Variants in WDR43 observed in about 807,000 individuals in gnomAD.
WDR43 encodes the protein WD repeat domain 43.
In WDR43, 13 loss-of-function variants were observed where a neutral mutation model predicts 91.4. The ratio of observed to expected loss-of-function variants is 0.14; its 90% CI spans 0.09 to 0.23. The LOEUF (loss-of-function observed/expected upper bound fraction) is 0.23. Among genes scored for constraint, WDR43 ranks in the 10% least tolerant of loss-of-function variants. The pLI is 1.00. For missense variants in WDR43, 780 were observed against 809.4 expected, an observed-to-expected ratio of 0.96 and a Z score of 0.44; for synonymous variants, 331 against 287.9, an observed-to-expected ratio of 1.15 and a Z score of -1.51.
intron 1 of WDR43, 56 bp downstream of exon 1, chr2:28,894,979 T>C (rs1414918561): frequency 7.0e-7 from 1 of 1,433,668 alleles, no homozygotes; most frequent in Non-Finnish European, 9.2e-7. Flanking sequence ...GCTTCGGGCC[T>C]CCGGGCCGGG....
In WDR43 at chr2:28,942,195, TATG is replaced by T. The variant is rs368694777; in HGVS notation, c.1735-116_1735-114del. The T allele has an allele frequency of 8.3e-5, 74 of 896,540 alleles. No individual in the cohort carries two copies. The African/African-American group carries it at 1.1e-3, about 13-fold the overall frequency. The allele number at this position is 896,540 out of a possible 1,614,324, so 55.5% of individuals were successfully genotyped here. On this transcript the variant is annotated intron_variant, in intron 15 of 17. Coordinates refer to ENST00000407426, the MANE Select transcript of WDR43 (RefSeq NM_015131.3). ...TCTGTATTGTATGAAGGTCCTCCAT[TATG>T]GTGGTGGAGGGTGAGTTAGCAGCAA...
chr2:28,937,422 A>T (rs10199251), intron 13 of WDR43, among the ~76,000 whole-genome samples: 4 of 151,684 alleles, frequency 2.6e-5, no homozygotes, highest in Admixed American at 6.6e-5. Flanking sequence ...TTCTTTAAAA[A>T]TTTTTTTTCT....
intron 1 of WDR43, among the ~76,000 whole-genome samples, chr2:28,899,276 T>C (rs1055268205): frequency 6.6e-6 from 1 of 152,218 alleles, no homozygotes; most frequent in Admixed American, 6.5e-5. Context: ...GACTAAAGTG[T>C]AAAAGAAGAA....
intron 4 of WDR43, 136 bp from the exon 5 acceptor site, chr2:28,913,933 T>G (rs1162061521): frequency 1.0e-6 from 1 of 1,004,994 alleles, no homozygotes; most frequent in Non-Finnish European, 1.5e-6. Flanking sequence ...TGCTTAGAAT[T>G]GAATTGAACA....
intron 14 of WDR43, among the ~76,000 whole-genome samples, chr2:28,940,111 C>CAAAAAA (rs369746530): frequency 9.7e-6 from 1 of 103,324 alleles, no homozygotes; most frequent in African/African-American, 3.9e-5. Flanking sequence ...GACTCCGTCT[C>CAAAAAA]AAAAAAAAAA....
rs1316411169 is a variant in WDR43 at position 28,948,186 on chromosome 2, C to T, written c.*1407C>T. 2.0e-5 allele frequency: 3 copies of T among 152,246 alleles called. No homozygotes were observed. Among genetic ancestry groups the T allele is most frequent in the South Asian group, 2.1e-4 (1 of 4,826 alleles). 9.4% of individuals were successfully genotyped at this position (152,246 alleles called of 1,614,324 possible). A position where few individuals can be genotyped will look rare whatever the true frequency, so the allele number is the denominator to read the frequency against. On this transcript the variant is annotated 3_prime_UTR_variant, in exon 18 of 18. Coordinates refer to ENST00000407426, the MANE Select transcript of WDR43 (RefSeq NM_015131.3). Reference sequence around the variant, plus strand: ...GTTTATGGCAATTTAATACCATTCTCTTTGTAAAGTGAATAAATATTCATC... The same window carrying T: ...GTTTATGGCAATTTAATACCATTCTTTTTGTAAAGTGAATAAATATTCATC...
chr2:28,905,308 C>A (rs748566012), intron 2 of WDR43, among the ~76,000 whole-genome samples: 1 of 152,170 alleles, frequency 6.6e-6, no homozygotes, highest in Non-Finnish European at 1.5e-5. Context: ...GTGAGTTAGT[C>A]CTGGAATGTT....
chr2:28,918,180 GA>G lies in WDR43; in HGVS notation c.849+189del, dbSNP rs1452210630. 4.6e-5 allele frequency among the ~76,000 whole-genome samples: 7 copies of G among 152,114 alleles called. No homozygotes were observed. In the East Asian group the frequency reaches 1.2e-3, roughly 25 times the overall value. On this transcript the variant is annotated intron_variant, in intron 6 of 17. Transcript: ENST00000407426. ...TGTAATAATCTCTTATGGGGGAAGG[GA>G]AAAGTTTGTACAGGACGGTAGTAAA...
chr2:28,900,857 T>C (rs955439046), intron 1 of WDR43, among the ~76,000 whole-genome samples: 4 of 152,230 alleles, frequency 2.6e-5, no homozygotes, highest in African/African-American at 9.6e-5. Context: ...CTTTTTTTGT[T>C]AGACTGCATT....
chr2:28,929,594 C>T lies in WDR43; in HGVS notation c.1321C>T (p.Arg441Cys), dbSNP rs202154514. The T allele has an allele frequency of 8.5e-5, 137 of 1,611,396 alleles. No individual in the cohort carries two copies. The African/African-American group carries it at 1.5e-3, about 18-fold the overall frequency. Reference protein sequence around the residue: ...SGGNEVSIEERLGAMDIDTHK... With the variant: ...SGGNEVSIEECLGAMDIDTHK... ...TGTTCTGTAGGTTAGCATTGAAGAA[C>T]GTCTGGGAGCAATGGATATAGACAC... Residue 441 changes from arginine to cysteine, a missense_variant, in exon 11 of 18, where the codon CGT becomes TGT. Physicochemically the swap from Arg to Cys is radical, Grantham distance 180. Coordinates refer to ENST00000407426, the MANE Select transcript of WDR43 (RefSeq NM_015131.3).
intron 4 of WDR43, among the ~76,000 whole-genome samples, chr2:28,913,033 A>G (rs1174219881): frequency 6.8e-6 from 1 of 147,084 alleles, no homozygotes; most frequent in African/African-American, 2.5e-5. Flanking sequence ...GCTCACTGCA[A>G]GCTCCGCCTC....
intron 14 of WDR43, among the ~76,000 whole-genome samples, chr2:28,939,300 A>G (rs940355270): frequency 6.6e-6 from 1 of 152,172 alleles, no homozygotes; most frequent in African/African-American, 2.4e-5. Context: ...AGGAATCTGG[A>G]TGGCAAATGG....
chr2:28,912,068 C>T (rs1489327962), intron 3 of WDR43, among the ~76,000 whole-genome samples: 1 of 152,112 alleles, frequency 6.6e-6, no homozygotes, highest in African/African-American at 2.4e-5. Flanking sequence ...TAATTTTTAC[C>T]TGTCAGATTG....
rs13419338 is a variant in WDR43, at chr2:28,936,985, T to C, written c.1556+32T>C. 9,053 of 1,550,032 alleles carry C rather than the reference T, an allele frequency of 5.8e-3. 467 individuals carry two copies. In the African/African-American group the frequency reaches 0.11, roughly 19 times the overall value. On this transcript the variant is annotated intron_variant, in intron 13 of 17. Coordinates refer to ENST00000407426, the MANE Select transcript of WDR43 (RefSeq NM_015131.3). Reference sequence around the variant, plus strand: ...TTAAACAGGTGACTTAAAAACAGTGTTGTCTGACAGCATGAAATTAAATAT... The same window carrying C: ...TTAAACAGGTGACTTAAAAACAGTGCTGTCTGACAGCATGAAATTAAATAT...
chr2:28,928,408 A>G (rs1671182895), intron 10 of WDR43, among the ~76,000 whole-genome samples: 2 of 152,178 alleles, frequency 1.3e-5, no homozygotes, highest in South Asian at 2.1e-4. Flanking sequence ...AAACATGTTC[A>G]TAACATGTTC....
chr2:28,909,440 ATCT>A (rs922722626), intron 3 of WDR43, among the ~76,000 whole-genome samples: 2 of 152,074 alleles, frequency 1.3e-5, no homozygotes, highest in Non-Finnish European at 1.5e-5. Flanking sequence ...GCCATGAATT[ATCT>A]TCTTTTGTTC....
intron 6 of WDR43, among the ~76,000 whole-genome samples, chr2:28,919,990 C>G (rs1670990177): frequency 6.6e-6 from 1 of 151,782 alleles, no homozygotes; most frequent in East Asian, 2.0e-4. Context: ...ATAGACTGCG[C>G]TACCATGCCT....
At chr2:28,918,984 G>C (rs1670968042) in intron 6 of WDR43, among the ~76,000 whole-genome samples, 1 of 152,112 alleles carries the variant, frequency 6.6e-6, no homozygotes, top group Non-Finnish European at 1.5e-5. Flanking sequence ...AAAAAGCATT[G>C]GTTTAAAACA....
intron 2 of WDR43, among the ~76,000 whole-genome samples, chr2:28,904,792 A>G (rs1437257144): frequency 6.6e-6 from 1 of 152,240 alleles, no homozygotes; most frequent in Non-Finnish European, 1.5e-5. Context: ...AAGTGGTAAC[A>G]ATGTTATTTC....
Sources: allele counts gnomAD v4.1 joint callset (sites outside exome capture counted in the v4.1 genomes callset), GRCh38; gene constraint gnomAD v4.1.1; transcripts MANE v1.5; gene names NCBI Gene and HGNC (gene_info 2026-07-23, HGNC 2026-07-21).